The following PDS5B variants were observed in gnomAD, a reference collection of about 807,000 sequenced individuals.
The protein encoded by PDS5B is PDS5 cohesin associated factor B, also known as sister chromatid cohesion protein PDS5 homolog B.
Under a neutral mutation model 184.1 loss-of-function variants are expected in PDS5B, and 51 were observed. The ratio of observed to expected loss-of-function variants is 0.28; its 90% CI spans 0.22 to 0.35. The LOEUF is 0.35. Among genes scored for constraint, PDS5B ranks in the 10% least tolerant of loss-of-function variants. The pLI is 1.00. For missense variants in PDS5B, 1,180 were observed against 1,723.3 expected, an observed-to-expected ratio of 0.68 and a Z score of 5.58; for synonymous variants, 566 against 569.2, an observed-to-expected ratio of 0.99 and a Z score of 0.08.
intron 19 of PDS5B, among the ~76,000 whole-genome samples, chr13:32,725,719 T>TC (rs757196623): frequency 1.3e-5 from 2 of 152,292 alleles, no homozygotes; most frequent in Admixed American, 6.5e-5. Context: ...ATCTCTTTTT[T>TC]CCCTCATGGC....
At chr13:32,663,432 C>G (rs1950703217) in intron 6 of PDS5B, among the ~76,000 whole-genome samples, 1 of 151,278 alleles carries the variant, frequency 6.6e-6, no homozygotes, top group African/African-American at 2.4e-5. Context: ...TTTAGGAATA[C>G]AAGGATGGAT....
At chr13:32,676,322 A>G (rs549286052) in intron 9 of PDS5B, among the ~76,000 whole-genome samples, 1 of 152,300 alleles carries the variant, frequency 6.6e-6, no homozygotes, top group Admixed American at 6.5e-5. Flanking sequence ...TATTGACAGG[A>G]TAAGAGTATT....
intron 6 of PDS5B, among the ~76,000 whole-genome samples, chr13:32,664,414 G>T (rs7985656): frequency 0.37 from 56,455 of 152,082 alleles, 11,086 homozygotes; most frequent in Non-Finnish European, 0.44. Flanking sequence ...AAATTTAACC[G>T]TAATGTGTAT....
chr13:32,714,037 G>A (rs941393098), intron 19 of PDS5B, among the ~76,000 whole-genome samples: 7 of 152,254 alleles, frequency 4.6e-5, no homozygotes, highest in South Asian at 2.1e-4. Flanking sequence ...GGTAGGATCC[G>A]TGATGCCCCA....
At chr13:32,773,073 AAAGT>A in intron 33 of PDS5B, 112 bp from the exon 34 acceptor site, 1 of 794,896 alleles carries the variant, frequency 1.3e-6, no homozygotes, top group East Asian at 2.7e-5. Flanking sequence ...CTTGTCTCAT[AAAGT>A]AACTGAGGGT....
chr13:32,691,405 T>C lies in PDS5B; in HGVS notation c.1470-2818T>C, dbSNP rs992435345. ...ATGATCTTATTCCATTATTTTGATA[T>C]GAGAAATTTGAGTCAATGCAGAAAA... is the stretch of plus-strand genomic sequence containing the variant. On this transcript the variant is annotated intron_variant, in intron 13 of 34. Transcript: ENST00000315596. The C allele has an allele frequency of 2.6e-5, 4 of 152,266 alleles. No homozygotes were observed. The East Asian group carries it at 5.8e-4, about 22-fold the overall frequency. 9.4% of individuals were successfully genotyped at this position (152,266 alleles called of 1,614,324 possible).
At chr13:32,652,343 A>G (rs1204028638) in intron 3 of PDS5B, 3 of 201,336 alleles carry the variant, frequency 1.5e-5, no homozygotes, top group Non-Finnish European at 3.1e-5. Flanking sequence ...CATAATACCT[A>G]GTATAAACAT....
intron 10 of PDS5B, among the ~76,000 whole-genome samples, chr13:32,680,243 G>T (rs1207881551): frequency 6.6e-6 from 1 of 152,052 alleles, no homozygotes; most frequent in African/African-American, 2.4e-5. Flanking sequence ...CAAATGATTG[G>T]CAATCTGTGG....
In PDS5B at chr13:32,607,830, G is replaced by A. The variant is rs190982234; in HGVS notation, c.-20+21237G>A. Among the ~76,000 whole-genome samples the A allele has an allele frequency of 5.4e-4, 83 of 152,358 alleles. 1 individual carries two copies. The highest frequency in any genetic ancestry group is 4.4e-5 in the Non-Finnish European group (3 of 68,032). On this transcript the variant is annotated intron_variant, in intron 1 of 34. Transcript: ENST00000315596. Reference sequence around the variant, plus strand: ...TCAGACTGCTGTGCTAGCAGTGAGTGAGGCTCCGTGGGTGTGGGACCCGCT... The same window carrying A: ...TCAGACTGCTGTGCTAGCAGTGAGTAAGGCTCCGTGGGTGTGGGACCCGCT...
Position 32,687,180 on chromosome 13 carries a change from A to G in PDS5B, c.1250A>G (p.Lys417Arg). ...ATGATGGGACTTGCCCAAATTTATAAGAAATATGCTTTACAGTCAGCAGCT... is the reference window on the plus strand; with the variant it reads ...ATGATGGGACTTGCCCAAATTTATAGGAAATATGCTTTACAGTCAGCAGCT... Reference protein sequence around the residue: ...EAMMGLAQIYKKYALQSAAGK... With the variant: ...EAMMGLAQIYRKYALQSAAGK... Residue 417 changes from lysine to arginine, a missense_variant, in exon 12 of 35, where the codon AAG becomes AGG. Physicochemically the swap from Lys to Arg is conservative, Grantham distance 26. This residue lies in a region of PDS5B where 475 missense variants were observed against 691.5 expected (regional missense o/e 0.69). Coordinates refer to ENST00000315596, the MANE Select transcript of PDS5B (RefSeq NM_015032.4). The G allele has an allele frequency of 6.2e-7, 1 of 1,606,748 alleles. No homozygotes were observed. Among genetic ancestry groups the G allele is most frequent in the Non-Finnish European group, 8.5e-7 (1 of 1,178,062 alleles).
chr13:32,772,378 G>A (rs186419058), intron 33 of PDS5B, among the ~76,000 whole-genome samples: 176 of 152,250 alleles, frequency 1.2e-3, no homozygotes, highest in Non-Finnish European at 4.6e-4. Context: ...TCATGGGCTC[G>A]TGGTTCTTGT....
intron 5 of PDS5B, 34 bp from the exon 6 acceptor site, chr13:32,659,120 T>A (rs1229409408): frequency 1.3e-6 from 2 of 1,495,910 alleles, no homozygotes; most frequent in Admixed American, 3.6e-5. Flanking sequence ...TATATCTCAG[T>A]TGTAATTGAA....
At chr13:32,692,415 C>CTTTT (rs1566334927) in intron 13 of PDS5B, among the ~76,000 whole-genome samples, 1 of 53,792 alleles carries the variant, frequency 1.9e-5, no homozygotes, top group African/African-American at 7.2e-5. Flanking sequence ...TCCAAAAAGC[C>CTTTT]TTTTTTTTTT....
At chr13:32,744,919 G>C (rs540473365) in intron 23 of PDS5B, among the ~76,000 whole-genome samples, 21 of 152,184 alleles carry the variant, frequency 1.4e-4, no homozygotes, top group African/African-American at 5.1e-4. Context: ...TTGTTGCATG[G>C]ATGTTGAATA....
rs376698450 is a variant in PDS5B at position 32,758,070 on chromosome 13, C to CTT, written c.3057-4_3057-3dup. 716 of 928,618 alleles carry CTT rather than the reference C, an allele frequency of 7.7e-4. No individual in the cohort carries two copies. Among genetic ancestry groups the CTT allele is most frequent in the African/African-American group, 1.5e-3 (72 of 49,552 alleles). The allele number at this position is 928,618 out of a possible 1,614,324, so 57.5% of individuals were successfully genotyped here. The stretch of plus-strand genomic sequence containing the variant: ...GATTTTCTTCTATATTTCTTTTTTC[C>CTT]TTTTTTTTTTTTTTAGATGTCTTTG... On this transcript the variant is annotated splice_polypyrimidine_tract_variant and intron_variant, in intron 26 of 34. Coordinates refer to ENST00000315596, the MANE Select transcript of PDS5B (RefSeq NM_015032.4).
chr13:32,759,708 T>C lies in PDS5B; in HGVS notation c.3372+18T>C, dbSNP rs538297474. The C allele has an allele frequency of 5.0e-6, 7 of 1,389,124 alleles. No homozygotes were observed. The South Asian group carries it at 8.9e-5, about 18-fold the overall frequency. The allele number at this position is 1,389,124 out of a possible 1,614,324, so 86.0% of individuals were successfully genotyped here. Reference sequence around the variant, plus strand: ...CTGGAAAAGTATGTTTTGAGAATCATTTTAATTTTTATGTGGTAGCTTATT... The same window carrying C: ...CTGGAAAAGTATGTTTTGAGAATCACTTTAATTTTTATGTGGTAGCTTATT... On this transcript the variant is annotated intron_variant, in intron 29 of 34. Transcript: ENST00000315596.
At chr13:32,655,374 A>ATATATATATTT in intron 3 of PDS5B, among the ~76,000 whole-genome samples, 1 of 72,484 alleles carries the variant, frequency 1.4e-5, no homozygotes, top group Non-Finnish European at 2.2e-5. Context: ...ATATATATAT[A>ATATATATATTT]TTTTTTTTTT....
chr13:32,744,227 T>G (rs1953666161), intron 23 of PDS5B, among the ~76,000 whole-genome samples: 4 of 152,176 alleles, frequency 2.6e-5, no homozygotes. Flanking sequence ...ATAGAGTTTA[T>G]GTAAGGATTA....
At chr13:32,758,241 A>C in intron 27 of PDS5B, 22 bp downstream of exon 27, 1 of 1,485,018 alleles carries the variant, frequency 6.7e-7, no homozygotes, top group Non-Finnish European at 9.0e-7. Flanking sequence ...TTTGTAAATA[A>C]TTATGGTTCC....
Sources: gnomAD v4.1 joint callset for allele counts (sites outside exome capture counted in the v4.1 genomes callset) on GRCh38, gnomAD v4.1.1 for gene constraint, gnomAD v4.1.1 regional missense constraint, MANE v1.5 for transcripts, NCBI Gene and HGNC (gene_info 2026-07-23, HGNC 2026-07-21) for gene names.